EGLN2: variants seen among roughly 807,000 people sequenced by gnomAD.
EGLN2 encodes the protein prolyl hydroxylase EGLN2.
EGLN2 carries 15 observed loss-of-function variants against 38.2 expected under a neutral mutation model. That is an observed-to-expected ratio of 0.39 (90% CI 0.26 to 0.60). The LOEUF is 0.60. EGLN2 is among the 20% of genes least tolerant of loss of function. The pLI is 0.50. For synonymous variants in EGLN2, 284 were observed against 237.4 expected (o/e 1.20, Z -1.81); for missense variants, 492 against 570.4 (o/e 0.86, Z 1.40).
chr19:40,803,645 C>A (rs1188563254), intron 2 of EGLN2, among the ~76,000 whole-genome samples: 1 of 152,000 alleles, frequency 6.6e-6, no homozygotes, highest in East Asian at 1.9e-4. Flanking sequence ...CCTGTGTCAT[C>A]CTTCCTTCCC....
Position 40,807,571 on chromosome 19 carries a change from C to G in EGLN2, c.1168+20C>G, listed in dbSNP as rs375891916. On this transcript the variant is annotated intron_variant, in intron 5 of 5. Coordinates refer to ENST00000303961, the MANE Select transcript of EGLN2 (RefSeq NM_080732.4). ...AGCTAGGTACCTGCTTCCCTCCCTT[C>G]AGTCCTTCCTATTCTGTGGGCCCTC... 1 of 1,613,588 alleles carries G rather than the reference C, an allele frequency of 6.2e-7. No homozygotes were observed. Among genetic ancestry groups the G allele is most frequent in the Non-Finnish European group, 8.5e-7 (1 of 1,179,540 alleles).
intron 2 of EGLN2, among the ~76,000 whole-genome samples, chr19:40,803,449 C>T (rs1201458750): frequency 6.6e-6 from 1 of 152,146 alleles, no homozygotes; most frequent in Non-Finnish European, 1.5e-5. Context: ...GAGCCCTCCC[C>T]TCCCCAGTGA....
rs540824311 is a variant in EGLN2 at position 40,801,374 on chromosome 19, G to T, written c.802G>T (p.Ala268Ser). 6.2e-6 allele frequency: 10 copies of T among 1,609,678 alleles called. No homozygotes were observed. In the East Asian group the frequency reaches 1.8e-4, roughly 29 times the overall value. Residue 268 changes from alanine (A) to serine (S), a missense_variant, in exon 2 of 6, where the codon GCA becomes TCA. Ala to Ser is a moderately conservative substitution (Grantham distance 99). Around this residue, in one of 2 missense-constraint regions of EGLN2, gnomAD observed 378 missense variants for 386.2 expected, o/e 0.98. Transcript: ENST00000303961. ...TGTGGACGCCGTCATCCGCCACTGC[G>T]CAGGGCGGCTGGGCAGCTATGTCAT... Reference protein sequence around the residue: ...AHVDAVIRHCAGRLGSYVING... With the variant: ...AHVDAVIRHCSGRLGSYVING...
intron 4 of EGLN2, 46 bp downstream of exon 4, chr19:40,807,320 A>T: frequency 6.2e-7 from 1 of 1,612,964 alleles, no homozygotes; most frequent in Non-Finnish European, 8.5e-7. Flanking sequence ...TCCCCCTGTG[A>T]CAATGTCCTG....
intron 4 of EGLN2, 104 bp from the exon 5 acceptor site, chr19:40,807,380 A>C: frequency 1.9e-6 from 3 of 1,601,478 alleles, no homozygotes; most frequent in Non-Finnish European, 2.6e-6. Flanking sequence ...GAGGGGGCCT[A>C]GGTGGGAGCA....
rs2083311293 is a variant in EGLN2 at position 40,807,265 on chromosome 19, A to G, written c.1091A>G (p.Tyr364Cys). ...AACCCCCACGAGGTGAAGCCAGCCTATGCCACCAGGTATGACCTGTACTTC... is the reference window on the plus strand; with the variant it reads ...AACCCCCACGAGGTGAAGCCAGCCTGTGCCACCAGGTATGACCTGTACTTC... ...RRNPHEVKPA[Y>C]ATRYAITVWY... Residue 364 changes from tyrosine to cysteine, a missense_variant, in exon 4 of 6, where the codon TAT becomes TGT. Coordinates refer to ENST00000303961, the MANE Select transcript of EGLN2 (RefSeq NM_080732.4). The G allele has an allele frequency of 1.2e-6, 2 of 1,614,156 alleles. No homozygotes were observed. The highest frequency in any genetic ancestry group is 1.1e-5 in the South Asian group (1 of 91,086).
chr19:40,800,964 C>T lies in EGLN2; in HGVS notation c.392C>T (p.Pro131Leu). The change falls in exon 2 of 6, where the codon CCC becomes CTC. Residue 131 changes from proline (P) to leucine (L), a missense_variant. Pro to Leu is a moderately conservative substitution (Grantham distance 98). Coordinates refer to ENST00000303961, the MANE Select transcript of EGLN2 (RefSeq NM_080732.4). ...WAEDGGDAPS[P>L]SKRPWARQEN... ...GAGGATGGTGGGGATGCCCCTTCACCCAGCAAACGGCCCTGGGCCAGGCAA... is the reference window on the plus strand; with the variant it reads ...GAGGATGGTGGGGATGCCCCTTCACTCAGCAAACGGCCCTGGGCCAGGCAA... The T allele has an allele frequency of 6.2e-7, 1 of 1,611,564 alleles. No individual in the cohort carries two copies. Among genetic ancestry groups the T allele is most frequent in the Non-Finnish European group, 8.5e-7 (1 of 1,179,188 alleles).
Position 40,807,971 on chromosome 19 carries a change from C to A in EGLN2, c.*107C>A. ...CCACCGCTGCTGCTTCTGACTTTGC[C>A]TCTGTCCTGCCTGGTGTGGAGGGCT... On this transcript the variant is annotated 3_prime_UTR_variant, in exon 6 of 6. Transcript: ENST00000303961. 8.9e-7 allele frequency: 1 copy of A among 1,127,966 alleles called. No homozygotes were observed. Among genetic ancestry groups the A allele is most frequent in the Non-Finnish European group, 1.3e-6 (1 of 766,970 alleles). The allele number at this position is 1,127,966 out of a possible 1,614,324, so 69.9% of individuals were successfully genotyped here.
intron 4 of EGLN2, 38 bp from the exon 5 acceptor site, chr19:40,807,446 A>G: frequency 6.2e-7 from 1 of 1,612,746 alleles, no homozygotes; most frequent in Non-Finnish European, 8.5e-7. Flanking sequence ...GGTAGCTGGA[A>G]TTGCAGAAAA....
At position 40,801,229 on chromosome 19, in the gene EGLN2, G is replaced by A; in HGVS notation, c.657G>A (p.Leu219=). 1 of 1,612,622 alleles carries A rather than the reference G, an allele frequency of 6.2e-7. No individual in the cohort carries two copies. The highest frequency in any genetic ancestry group is 8.5e-7 in the Non-Finnish European group (1 of 1,179,928). ...EVEALKRGGR[L]RDGQLVSQRA... is the part of the protein sequence containing the mutation. ...AGGCCCTCAAACGGGGTGGGCGCCT[G>A]CGAGACGGGCAGCTAGTGAGCCAGA... Residue 219 remains leucine (L), a synonymous_variant, in exon 2 of 6, where the codon CTG becomes CTA. Coordinates refer to ENST00000303961, the MANE Select transcript of EGLN2 (RefSeq NM_080732.4).
chr19:40,799,688 C>T (rs916358168), intron 1 of EGLN2: 2 of 152,188 alleles, frequency 1.3e-5, no homozygotes, highest in East Asian at 1.9e-4. Context: ...GACCCTCTCC[C>T]CGAGGGCCCC....
At position 40,800,404 on chromosome 19, in the gene EGLN2, C is replaced by G; in HGVS notation, c.-169C>G. ...GAGGACTTGGGGACCAGCAAGCAAC[C>G]CCCAGGGCACGAGAAGAGCTCTTGC... On this transcript the variant is annotated 5_prime_UTR_variant, in exon 2 of 6. Transcript: ENST00000303961. 2 of 1,072,240 alleles carry G rather than the reference C, an allele frequency of 1.9e-6. No homozygotes were observed. The highest frequency in any genetic ancestry group is 2.6e-5 in the East Asian group (1 of 38,126). The allele number at this position is 1,072,240 out of a possible 1,614,324, so 66.4% of individuals were successfully genotyped here.
Position 40,801,192 on chromosome 19 carries a change from T to A in EGLN2, c.620T>A (p.Leu207Gln), listed in dbSNP as rs1305172247. The change falls in exon 2 of 6, where the codon CTG becomes CAG. Residue 207 changes from leucine (L) to glutamine (Q), a missense_variant. Leu to Gln is a moderately radical substitution (Grantham distance 113). Around this residue, in one of 2 missense-constraint regions of EGLN2, gnomAD observed 378 missense variants for 386.2 expected, o/e 0.98. Transcript: ENST00000303961. The part of the protein sequence containing the change: ...FLGAALGGRV[L>Q]AEVEALKRGG... ...GGGGCAGCACTGGGCGGTCGCGTGC[T>A]GGCCGAGGTGGAGGCCCTCAAACGG... 1 of 1,612,694 alleles carries A rather than the reference T, an allele frequency of 6.2e-7. No individual in the cohort carries two copies. The highest frequency in any genetic ancestry group is 8.5e-7 in the Non-Finnish European group (1 of 1,179,894).
At position 40,806,610 on chromosome 19, in the gene EGLN2, A is replaced by G. The variant is rs781266947; in HGVS notation, c.899A>G (p.Asn300Ser). 4.3e-6 allele frequency: 7 copies of G among 1,614,142 alleles called. No homozygotes were observed. The highest frequency in any genetic ancestry group is 1.1e-5 in the South Asian group (1 of 91,084). ...NGLGYVRHVD[N>S]PHGDGRCITC... Reference sequence around the variant, plus strand: ...CTCGGGTACGTAAGGCACGTTGACAATCCCCACGGCGATGGGCGCTGCATC... The same window carrying G: ...CTCGGGTACGTAAGGCACGTTGACAGTCCCCACGGCGATGGGCGCTGCATC... Residue 300 changes from asparagine (N) to serine (S), a missense_variant, in exon 3 of 6, where the codon AAT (asparagine) becomes AGT (serine). Asn to Ser is a conservative substitution (Grantham distance 46). Transcript: ENST00000303961.
chr19:40,800,278 T>C, intron 1 of EGLN2, 61 bp from the exon 2 acceptor site: 2 of 389,462 alleles, frequency 5.1e-6, no homozygotes, highest in South Asian at 7.8e-5. Context: ...CCATCCCGGC[T>C]TTCCCCTGCC....
intron 1 of EGLN2, chr19:40,799,661 T>A (rs1180363669): frequency 6.6e-6 from 1 of 152,142 alleles, no homozygotes; most frequent in African/African-American, 2.4e-5. Flanking sequence ...TCCTCCGTCC[T>A]TTCCTCTGTC....
intron 1 of EGLN2, chr19:40,799,536 C>T (rs745612803): frequency 6.6e-6 from 1 of 151,656 alleles, no homozygotes; most frequent in Non-Finnish European, 1.5e-5. Context: ...AGGCCCTGCC[C>T]CTGTCGCCTA....
At chr19:40,801,880 G>A (rs886440892) in intron 2 of EGLN2, among the ~76,000 whole-genome samples, 1 of 151,844 alleles carries the variant, frequency 6.6e-6, no homozygotes, top group African/African-American at 2.4e-5. Context: ...TAACGAGCAT[G>A]CTGCCTTCAA....
chr19:40,800,344 C>T lies in EGLN2; in HGVS notation c.-229C>T, dbSNP rs1241629552. The T allele has an allele frequency of 5.4e-6, 3 of 553,802 alleles. No individual in the cohort carries two copies. The highest frequency in any genetic ancestry group is 3.3e-5 in the Admixed American group (1 of 30,668). 34.3% of individuals were successfully genotyped at this position (553,802 alleles called of 1,614,324 possible). On this transcript the variant is annotated 5_prime_UTR_variant, in exon 2 of 6. Coordinates refer to ENST00000303961, the MANE Select transcript of EGLN2 (RefSeq NM_080732.4). Reference sequence around the variant, plus strand: ...TTTTTTTTTCCTTTCTCTAGCCACCCTGAAGGGTCCCTTCCCAAGCCCTTA... The same window carrying T: ...TTTTTTTTTCCTTTCTCTAGCCACCTTGAAGGGTCCCTTCCCAAGCCCTTA...
Sources: gnomAD v4.1 joint callset for allele counts (sites outside exome capture counted in the v4.1 genomes callset) on GRCh38, gnomAD v4.1.1 for gene constraint, gnomAD v4.1.1 regional missense constraint, MANE v1.5 for transcripts, NCBI Gene and HGNC (gene_info 2026-07-23, HGNC 2026-07-21) for gene names.